Variants in ANKRD28 observed in about 807,000 individuals in gnomAD.
The protein encoded by ANKRD28 is ankyrin repeat domain 28, also known as serine/threonine-protein phosphatase 6 regulatory ankyrin repeat subunit A.
Under a neutral mutation model 126.5 loss-of-function variants are expected in ANKRD28, and 44 were observed. That is an observed-to-expected ratio of 0.35 (90% confidence interval 0.27 to 0.45). ANKRD28 has a LOEUF of 0.45. Ranked by LOEUF, ANKRD28 falls within the 20% of genes least tolerant of loss-of-function variation. ANKRD28 has a pLI of 1.00. For synonymous variants in ANKRD28, 442 were observed against 468.5 expected (o/e 0.94, Z 0.73); for missense variants, 1,110 against 1,316.6 (o/e 0.84, Z 2.43).
intron 3 of ANKRD28, among the ~76,000 whole-genome samples, chr3:15,763,984 G>A (rs546027966): frequency 4.4e-4 from 67 of 152,192 alleles, no homozygotes; most frequent in Admixed American, 1.6e-3. Context: ...AGCACTTTCG[G>A]AGGCTGAGGC....
intron 13 of ANKRD28, 143 bp from the exon 14 acceptor site, chr3:15,708,207 G>A: frequency 1.1e-6 from 1 of 905,896 alleles, no homozygotes; most frequent in Non-Finnish European, 1.6e-6. Flanking sequence ...GTCTTGCGGA[G>A]GACTGGACAT....
Position 15,670,413 on chromosome 3 carries a change from A to G in ANKRD28, c.3109T>C (p.Ser1037Pro). Residue 1037 changes from serine (S) to proline (P), a missense_variant, in exon 28 of 28, where the codon TCA becomes CCA. Ser to Pro is a moderately conservative substitution (Grantham distance 74). Transcript: ENST00000683139. Reference sequence around the variant, plus strand: ...AAAGCTTCAAAGCTGACTGTTTTTGAGGTGTTGGTATAACGGTTAATGGCA... The same window carrying G: ...AAAGCTTCAAAGCTGACTGTTTTTGGGGTGTTGGTATAACGGTTAATGGCA... Reference protein sequence around the residue: ...FNAINRYTNTSKTVSFEALPI... With the variant: ...FNAINRYTNTPKTVSFEALPI... 1.2e-6 allele frequency: 2 copies of G among 1,613,874 alleles called. No individual in the cohort carries two copies. The highest frequency in any genetic ancestry group is 1.7e-6 in the Non-Finnish European group (2 of 1,179,836).
chr3:15,782,795 G>C (rs755983774), intron 2 of ANKRD28, among the ~76,000 whole-genome samples: 1 of 152,130 alleles, frequency 6.6e-6, no homozygotes, highest in African/African-American at 2.4e-5. Flanking sequence ...GCAGATCAGA[G>C]TGGGAACCTG....
At chr3:15,798,531 A>G (rs1256537373), upstream of ANKRD28, among the ~76,000 whole-genome samples, 1 of 152,140 alleles carries the variant, frequency 6.6e-6, no homozygotes, top group African/African-American at 2.4e-5. Context: ...ATAATGTAGA[A>G]ATCCTAACTC....
chr3:15,793,579 G>A (rs2060130963), intron 2 of ANKRD28, among the ~76,000 whole-genome samples: 1 of 152,098 alleles, frequency 6.6e-6, no homozygotes, highest in Non-Finnish European at 1.5e-5. Context: ...TGGAATTATA[G>A]TTCAAACTTT....
intron 4 of ANKRD28, among the ~76,000 whole-genome samples, chr3:15,743,285 C>T (rs1229881062): frequency 2.0e-5 from 3 of 152,008 alleles, no homozygotes; most frequent in African/African-American, 7.3e-5. Context: ...TCTGCTGACC[C>T]TCCCTCCACT....
intron 12 of ANKRD28, 69 bp downstream of exon 12, chr3:15,711,142 C>A (rs2072216531): frequency 7.6e-7 from 1 of 1,317,070 alleles, no homozygotes; most frequent in Non-Finnish European, 1.1e-6. Flanking sequence ...TAAAAAAGAA[C>A]AAAGATAAGA....
chr3:15,848,505 C>T (rs1397821058), intron 1 of ANKRD28, among the ~76,000 whole-genome samples: 1 of 151,916 alleles, frequency 6.6e-6, no homozygotes, highest in Non-Finnish European at 1.5e-5. Flanking sequence ...GGAGACCCAT[C>T]TCTACAAAAA....
intron 27 of ANKRD28, among the ~76,000 whole-genome samples, chr3:15,675,184 T>C (rs1467816528): frequency 6.6e-6 from 1 of 152,126 alleles, no homozygotes; most frequent in Non-Finnish European, 1.5e-5. Flanking sequence ...GGCATGAGAA[T>C]CGCTTGAACC....
intron 17 of ANKRD28, among the ~76,000 whole-genome samples, chr3:15,692,073 C>T (rs1430364740): frequency 6.8e-6 from 1 of 147,632 alleles, no homozygotes; most frequent in Admixed American, 7.0e-5. Flanking sequence ...CTAGGAGGTA[C>T]AGGCTGCAGT....
chr3:15,847,292 T>C (rs1426466207), intron 1 of ANKRD28, among the ~76,000 whole-genome samples: 1 of 152,152 alleles, frequency 6.6e-6, no homozygotes, highest in Non-Finnish European at 1.5e-5. Context: ...TCTAAGAGAA[T>C]ATAGGGTGCA....
chr3:15,674,146 T>C (rs891799449), intron 27 of ANKRD28, among the ~76,000 whole-genome samples: 4 of 109,072 alleles, frequency 3.7e-5, no homozygotes, highest in African/African-American at 1.4e-4. Flanking sequence ...TACTCTAGTC[T>C]GGGCAACAGA....
intron 8 of ANKRD28, among the ~76,000 whole-genome samples, chr3:15,719,085 T>G (rs2073404169): frequency 1.3e-5 from 2 of 152,206 alleles, no homozygotes; most frequent in South Asian, 4.1e-4. Flanking sequence ...CTAAAAACTT[T>G]TAAAAAGATG....
chr3:15,729,430 A>G (rs1004058202), intron 6 of ANKRD28, among the ~76,000 whole-genome samples: 2 of 152,188 alleles, frequency 1.3e-5, no homozygotes, highest in Admixed American at 1.3e-4. Context: ...TAGAAGCCCT[A>G]TAAGCCTTGT....
At chr3:15,763,777 G>A (rs928481015) in intron 3 of ANKRD28, among the ~76,000 whole-genome samples, 9 of 152,082 alleles carry the variant, frequency 5.9e-5, no homozygotes, top group Non-Finnish European at 1.3e-4. Context: ...AGAAATCTGG[G>A]GTGGGGAGAT....
intron 3 of ANKRD28, among the ~76,000 whole-genome samples, chr3:15,763,849 T>C (rs990532691): frequency 6.6e-6 from 1 of 152,150 alleles, no homozygotes. Context: ...CTGAGAACAA[T>C]TGAATTCATC....
intron 1 of ANKRD28, among the ~76,000 whole-genome samples, chr3:15,828,923 T>C (rs1177922639): frequency 2.0e-5 from 3 of 152,222 alleles, no homozygotes; most frequent in Non-Finnish European, 2.9e-5. Context: ...GTCTGAAATA[T>C]ATAGCCAGAA....
intron 8 of ANKRD28, among the ~76,000 whole-genome samples, chr3:15,716,458 A>G (rs2073060983): frequency 6.6e-6 from 1 of 151,422 alleles, no homozygotes; most frequent in African/African-American, 2.4e-5. Context: ...CACCTGGCTA[A>G]TTTATTTTTT....
chr3:15,859,454 C>G (rs1001160999), exon 1 of ANKRD28: 34 of 1,464,238 alleles, frequency 2.3e-5, no homozygotes, highest in Non-Finnish European at 2.9e-5. Context: ...GCCGCTGCCG[C>G]TGCCGCCGCC....
Sources: gnomAD v4.1 joint callset for allele counts (sites outside exome capture counted in the v4.1 genomes callset) on GRCh38, gnomAD v4.1.1 for gene constraint, MANE v1.5 for transcripts, NCBI Gene and HGNC (gene_info 2026-07-23, HGNC 2026-07-21) for gene names.